Variants in TEX14 observed in about 807,000 individuals in gnomAD.
TEX14 encodes the protein inactive serine/threonine-protein kinase TEX14.
In TEX14, 168 loss-of-function variants were observed where a neutral mutation model predicts 178.6. The observed-to-expected ratio is 0.94, with a 90% confidence interval of 0.83 to 1.07. The LOEUF (loss-of-function observed/expected upper bound fraction) is 1.07. Among genes scored for constraint, TEX14 ranks in the 50% least tolerant of loss-of-function variants. TEX14 has a pLI of 0.00. For missense variants in TEX14, 1,730 were observed against 1,753.6 expected, an observed-to-expected ratio of 0.99 and a Z score of 0.24; for synonymous variants, 626 against 634.1, an observed-to-expected ratio of 0.99 and a Z score of 0.19.
At chr17:58,610,020 C>T (rs2045707565) in intron 10 of TEX14, among the ~76,000 whole-genome samples, 1 of 152,192 alleles carries the variant, frequency 6.6e-6, no homozygotes, top group South Asian at 2.1e-4. Context: ...AAGAGCAGAA[C>T]CAATACTGGC....
At chr17:58,597,566 C>T (rs1438689838) in intron 14 of TEX14, among the ~76,000 whole-genome samples, 1 of 152,108 alleles carries the variant, frequency 6.6e-6, no homozygotes. Flanking sequence ...GCAGACCTCT[C>T]CCACCCCACC....
intron 2 of TEX14, among the ~76,000 whole-genome samples, chr17:58,641,221 A>C (rs1486934587): frequency 6.6e-6 from 1 of 151,872 alleles, no homozygotes; most frequent in African/African-American, 2.4e-5. Context: ...GATCAGCCTG[A>C]CCAATATGGA....
chr17:58,661,657 T>A, intron 1 of TEX14: 1 of 632,528 alleles, frequency 1.6e-6, no homozygotes, highest in East Asian at 2.6e-5. Flanking sequence ...ACGTAAAGAT[T>A]CTGGCGTAGA....
intron 26 of TEX14, among the ~76,000 whole-genome samples, 153 bp from the exon 27 acceptor site, chr17:58,565,977 C>G (rs1366561202): frequency 3.3e-5 from 5 of 152,226 alleles, no homozygotes; most frequent in Non-Finnish European, 7.3e-5. Flanking sequence ...GGCCTCATCT[C>G]AGACCTGCTG....
intron 1 of TEX14, among the ~76,000 whole-genome samples, chr17:58,654,139 C>G (rs1314402686): frequency 6.6e-6 from 1 of 152,092 alleles, no homozygotes; most frequent in Non-Finnish European, 1.5e-5. Flanking sequence ...GATTGCACCA[C>G]TGCACTCCAG....
intron 10 of TEX14, 62 bp downstream of exon 10, chr17:58,611,099 A>G: frequency 4.8e-6 from 6 of 1,249,450 alleles, no homozygotes; most frequent in Non-Finnish European, 7.0e-6. Flanking sequence ...TTCTGTCTCT[A>G]TAGGAAGGGT....
chr17:58,563,816 ACAC>A (rs2044340989), intron 28 of TEX14, among the ~76,000 whole-genome samples: 3 of 100,182 alleles, frequency 3.0e-5, no homozygotes, highest in Non-Finnish European at 4.8e-5. Context: ...ACACAGACAC[ACAC>A]ACACACACAC....
At chr17:58,666,408 T>C (rs1219740100) in intron 1 of TEX14, 1 of 127,788 alleles carries the variant, frequency 7.8e-6, no homozygotes, top group Non-Finnish European at 1.5e-5. Flanking sequence ...TGAATTCGGA[T>C]GCCACTGCAC....
In TEX14 at chr17:58,586,085, G is replaced by A. The variant is rs1468462643; in HGVS notation, c.2789-3C>T. On this transcript the variant is annotated splice_region_variant and splice_polypyrimidine_tract_variant and intron_variant, in intron 17 of 31. Coordinates refer to ENST00000349033, the MANE Select transcript of TEX14 (RefSeq NM_031272.5). The stretch of plus-strand genomic sequence containing the variant: ...CTTTGCCATTTCTTTCACCTCCACT[G>A]TGCATAAGAGAAAGCAGCATTTAAA... 4 of 1,604,446 alleles carry A rather than the reference G, an allele frequency of 2.5e-6. No homozygotes were observed. Among genetic ancestry groups the A allele is most frequent in the Non-Finnish European group, 3.4e-6 (4 of 1,173,742 alleles).
At chr17:58,636,601 C>T (rs187791749) in intron 2 of TEX14, among the ~76,000 whole-genome samples, 5 of 152,290 alleles carry the variant, frequency 3.3e-5, no homozygotes, top group East Asian at 1.9e-4. Flanking sequence ...CTAAAGTCCA[C>T]GCACTATACC....
In TEX14 at chr17:58,585,617, T is replaced by TC. The variant is rs545527796; in HGVS notation, c.3070+183_3070+184insG. On this transcript the variant is annotated intron_variant, in intron 18 of 31. Coordinates refer to ENST00000349033, the MANE Select transcript of TEX14 (RefSeq NM_031272.5). Reference sequence around the variant, plus strand: ...CCACCACGCCCAGCTAATGTTTTTTTTTTTTTTTTTTTTTTTTTTGTAGAG... The same window carrying TC: ...CCACCACGCCCAGCTAATGTTTTTTTCTTTTTTTTTTTTTTTTTTTGTAGAG... Among the ~76,000 whole-genome samples the TC allele has an allele frequency of 6.3e-4, 91 of 143,418 alleles. 1 individual carries two copies. The highest frequency in any genetic ancestry group is 1.2e-3 in the South Asian group (5 of 4,328). 94.1% of individuals were successfully genotyped at this position (143,418 alleles called of 152,430 possible). A position where few individuals can be genotyped will look rare whatever the true frequency, so the allele number is the denominator to read the frequency against.
intron 2 of TEX14, among the ~76,000 whole-genome samples, chr17:58,644,673 G>A (rs1380323647): frequency 9.6e-6 from 1 of 103,992 alleles, no homozygotes; most frequent in Non-Finnish European, 1.8e-5. Flanking sequence ...TTCTGACGGA[G>A]TTTCGCTCTT....
intron 10 of TEX14, 31 bp downstream of exon 10, chr17:58,611,130 A>T: frequency 6.4e-7 from 1 of 1,573,406 alleles, no homozygotes; most frequent in Non-Finnish European, 8.7e-7. Flanking sequence ...GATCAACTTC[A>T]GGAGAAAGTC....
At chr17:58,680,401 G>T (rs939291562) in intron 1 of TEX14, among the ~76,000 whole-genome samples, 2 of 152,264 alleles carry the variant, frequency 1.3e-5, no homozygotes, top group South Asian at 2.1e-4. Context: ...TGCAGCAAAT[G>T]ATCAATCTTA....
At chr17:58,584,456 T>C (rs1455568134) in intron 19 of TEX14, 44 bp downstream of exon 19, 1 of 1,359,344 alleles carries the variant, frequency 7.4e-7, no homozygotes, top group South Asian at 1.2e-5. Context: ...TCTATCTTAT[T>C]AGATCTTTGG....
At chr17:58,626,914 C>G (rs185511644) in intron 3 of TEX14, among the ~76,000 whole-genome samples, 1 of 152,194 alleles carries the variant, frequency 6.6e-6, no homozygotes, top group African/African-American at 2.4e-5. Context: ...TTCCCCTTCA[C>G]CTTGATCAGA....
At chr17:58,674,910 T>G (rs994797962) in intron 1 of TEX14, among the ~76,000 whole-genome samples, 2 of 150,234 alleles carry the variant, frequency 1.3e-5, no homozygotes, top group Non-Finnish European at 3.0e-5. Context: ...TGTGGGAGGC[T>G]GAGGGGGGGT....
chr17:58,679,156 A>G (rs561607745), intron 1 of TEX14, among the ~76,000 whole-genome samples: 7 of 152,144 alleles, frequency 4.6e-5, no homozygotes, highest in Non-Finnish European at 8.8e-5. Context: ...CGCCGTCTCC[A>G]AGAAAAGAAA....
Position 58,656,166 on chromosome 17 carries a change from G to A in TEX14, c.-1-4164C>T, listed in dbSNP as rs376569271. ...AAGTACGAAAATTAGCTGGGCAGCC[G>A]GGCACAGTGGCTTACGCCTGTAATC... is the stretch of plus-strand genomic sequence containing the variant. On this transcript the variant is annotated intron_variant, in intron 1 of 31. Coordinates refer to ENST00000349033, the MANE Select transcript of TEX14 (RefSeq NM_031272.5). 6.6e-5 allele frequency among the ~76,000 whole-genome samples: 10 copies of A among 152,240 alleles called. No individual in the cohort carries two copies. The East Asian group carries it at 1.4e-3, about 21-fold the overall frequency.
Sources: gnomAD v4.1 joint callset for allele counts (sites outside exome capture counted in the v4.1 genomes callset) on GRCh38, gnomAD v4.1.1 for gene constraint, MANE v1.5 for transcripts, NCBI Gene and HGNC (gene_info 2026-07-23, HGNC 2026-07-21) for gene names.